Variants in C1orf35 observed in about 807,000 individuals in gnomAD.
C1orf35 encodes chromosome 1 open reading frame 35, also known as multiple myeloma tumor-associated protein 2.
C1orf35 carries 36 observed loss-of-function variants against 30.9 expected under a neutral mutation model. That is an observed-to-expected ratio of 1.16 (90% CI 0.89 to 1.54). C1orf35 has a LOEUF of 1.54. Ranked by LOEUF, C1orf35 falls within the 40% of genes most tolerant of loss-of-function variation. C1orf35 has a pLI of 0.00. For missense variants in C1orf35, 396 were observed against 358.7 expected (o/e 1.10, Z -0.84); for synonymous variants, 179 against 148.2 (o/e 1.21, Z -1.51).
rs1352376530 is a variant in C1orf35, at chr1:228,103,278, G to A, written c.-51C>T. 3.1e-6 allele frequency: 5 copies of A among 1,589,160 alleles called. No homozygotes were observed. The highest frequency in any genetic ancestry group is 3.5e-5 in the Admixed American group (2 of 57,680). On this transcript the variant is annotated 5_prime_UTR_variant, in exon 1 of 8. Transcript: ENST00000272139. Reference sequence around the variant, plus strand: ...GCCTGCGGCTTGCAACCTGCAACCCGCAACCCGAGACCCGCTACCCACTAC... The same window carrying A: ...GCCTGCGGCTTGCAACCTGCAACCCACAACCCGAGACCCGCTACCCACTAC...
chr1:228,102,220 C>G, intron 5 of C1orf35, 55 bp from the exon 6 acceptor site: 1 of 1,562,738 alleles, frequency 6.4e-7, no homozygotes, highest in Admixed American at 1.8e-5. Context: ...CACACCACGC[C>G]CCGCAGCGCC....
Position 228,102,302 on chromosome 1 carries a change from G to A in C1orf35, c.447+8C>T, listed in dbSNP as rs1247312407. The A allele has an allele frequency of 1.2e-6, 2 of 1,610,572 alleles. No individual in the cohort carries two copies. Among genetic ancestry groups the A allele is most frequent in the East Asian group, 2.2e-5 (1 of 44,768 alleles). On this transcript the variant is annotated splice_region_variant and intron_variant, in intron 5 of 7. Transcript: ENST00000272139. ...CCCCTGCTGCGGTCAGGCGGGGCGG[G>A]GGATTACCGTGAACACAGACAGCCC...
intron 2 of C1orf35, 74 bp downstream of exon 2, chr1:228,102,825 T>A: frequency 2.2e-5 from 15 of 677,678 alleles, no homozygotes; most frequent in Non-Finnish European, 2.6e-5. Flanking sequence ...CGACCCCCAG[T>A]CCCCGGCCCC....
In C1orf35 at chr1:228,101,223, TGGAGTC is replaced by T. The variant is rs756081130; in HGVS notation, c.694_699del (p.Asp232_Ser233del). 5.0e-6 allele frequency: 8 copies of T among 1,613,948 alleles called. No homozygotes were observed. The highest frequency in any genetic ancestry group is 4.5e-5 in the East Asian group (2 of 44,886). On this transcript the variant is annotated inframe_deletion, in exon 8 of 8. Transcript: ENST00000272139. ...TTCCTCCTCTTACAGCAGGGGGAGT[TGGAGTC>T]GGAGTCATGGTGGTGGTGCCTGGGC...
rs2033013370 is a variant in C1orf35 at position 228,102,930 on chromosome 1, C to T, written c.214G>A (p.Glu72Lys). Residue 72 changes from glutamate to lysine, a missense_variant, in exon 2 of 8, where the codon GAG (glutamate) becomes AAG (lysine). Coordinates refer to ENST00000272139, the MANE Select transcript of C1orf35 (RefSeq NM_024319.4). Reference protein sequence around the residue: ...SREEELAAVREAEREALLAAL... With the variant: ...SREEELAAVRKAEREALLAAL... The stretch of plus-strand genomic sequence containing the variant: ...GCCAGCAGCGCCTCGCGCTCCGCCT[C>T]CCGCACGGCTGCCAGTTCCTCCTCG... 4.0e-6 allele frequency: 6 copies of T among 1,504,540 alleles called. No homozygotes were observed. The highest frequency in any genetic ancestry group is 1.4e-5 in the African/African-American group (1 of 69,034). 93.2% of individuals were successfully genotyped at this position (1,504,540 alleles called of 1,614,324 possible). A position where few individuals can be genotyped will look rare whatever the true frequency, so the allele number is the denominator to read the frequency against.
rs3831021 is a variant in C1orf35, at chr1:228,103,090, T to TCCCGGAG, written c.94+37_95-42dup. 6,308 of 1,607,160 alleles carry TCCCGGAG rather than the reference T, an allele frequency of 3.9e-3. 48 individuals carry two copies. The highest frequency in any genetic ancestry group is 0.017 in the African/African-American group (1,287 of 74,578). On this transcript the variant is annotated intron_variant, in intron 1 of 7. Transcript: ENST00000272139. ...CTGTGAGTCCAGCGCCCGCCCGGGA[T>TCCCGGAG]CCCGGAGCCCGGAGCCCGGAGCCCG... is the stretch of plus-strand genomic sequence containing the variant.
chr1:228,101,518 G>A (rs771860706), intron 6 of C1orf35, 45 bp from the exon 7 acceptor site: 3 of 1,603,904 alleles, frequency 1.9e-6, no homozygotes, highest in Middle Eastern at 1.7e-4. Context: ...AGTCTTGCAA[G>A]CCAAGAGAGT....
At position 228,101,193 on chromosome 1, in the gene C1orf35, C is replaced by A. The variant is rs1328920925; in HGVS notation, c.730G>T (p.Gly244Ter). 1.9e-6 allele frequency: 3 copies of A among 1,614,010 alleles called. No individual in the cohort carries two copies. The highest frequency in any genetic ancestry group is 2.5e-6 in the Non-Finnish European group (3 of 1,180,024). The change falls in exon 8 of 8, where the codon GGA becomes TGA. Residue 244 changes from glycine to a stop codon, truncating the protein, a stop_gained. Transcript: ENST00000272139. LOFTEE classifies it low-confidence loss of function (END_TRUNC). ...NSPCCKRRKRGHSGDRRSPSR... is the reference protein window; with the variant it reads ...NSPCCKRRKR ...GGGCTCCTCCTGTCCCCACTGTGTC[C>A]CCGCTTCCTCCTCTTACAGCAGGGG...
chr1:228,102,911 A>T lies in C1orf35; in HGVS notation c.233T>A (p.Leu78Gln). 1.0e-5 allele frequency: 15 copies of T among 1,482,688 alleles called. No individual in the cohort carries two copies. The highest frequency in any genetic ancestry group is 1.3e-5 in the Non-Finnish European group (15 of 1,123,660). The allele number at this position is 1,482,688 out of a possible 1,614,324, so 91.8% of individuals were successfully genotyped here. The change falls in exon 2 of 8, where the codon CTG (leucine) becomes CAG (glutamine). Residue 78 changes from leucine (L) to glutamine (Q), a missense_variant. Transcript: ENST00000272139. ...AAVREAEREA[L>Q]LAALGYKNVK... Reference sequence around the variant, plus strand: ...CGCGGACACTCACAGGGCGGCCAGCAGCGCCTCGCGCTCCGCCTCCCGCAC... The same window carrying T: ...CGCGGACACTCACAGGGCGGCCAGCTGCGCCTCGCGCTCCGCCTCCCGCAC...
At position 228,101,489 on chromosome 1, in the gene C1orf35, A is replaced by C. The variant is rs1161122322; in HGVS notation, c.534-16T>G. ...GCTCTCACAACTACAAGGAGGATAC[A>C]AGGTGTGCCTCAGACCCTAGTCTTG... On this transcript the variant is annotated splice_polypyrimidine_tract_variant and intron_variant, in intron 6 of 7. Coordinates refer to ENST00000272139, the MANE Select transcript of C1orf35 (RefSeq NM_024319.4). 1.2e-6 allele frequency: 2 copies of C among 1,610,534 alleles called. No individual in the cohort carries two copies. Among genetic ancestry groups the C allele is most frequent in the East Asian group, 2.2e-5 (1 of 44,880 alleles).
rs747081660 is a variant in C1orf35 at position 228,102,705 on chromosome 1, G to A, written c.246-17C>T. The A allele has an allele frequency of 1.2e-6, 2 of 1,603,306 alleles. No individual in the cohort carries two copies. The highest frequency in any genetic ancestry group is 2.2e-5 in the East Asian group (1 of 44,620). On this transcript the variant is annotated splice_polypyrimidine_tract_variant and intron_variant, in intron 2 of 7. Coordinates refer to ENST00000272139, the MANE Select transcript of C1orf35 (RefSeq NM_024319.4). Reference sequence around the variant, plus strand: ...TTGTAGCCACTGCGAGAGGGCCGGGGCAGGCGTCAGGACGGACGGACCTCC... The same window carrying A: ...TTGTAGCCACTGCGAGAGGGCCGGGACAGGCGTCAGGACGGACGGACCTCC...
At position 228,102,555 on chromosome 1, in the gene C1orf35, G is replaced by A; in HGVS notation, c.297C>T (p.Phe99=). 3 of 1,563,636 alleles carry A rather than the reference G, an allele frequency of 1.9e-6. No homozygotes were observed. Among genetic ancestry groups the A allele is most frequent in the Non-Finnish European group, 2.6e-6 (3 of 1,157,616 alleles). ...CTCCTTCCCGCTTGCAGACCTCCGC[G>A]AAGTCCTGCAGGTGCGAGAGCACAG... ...KQPTGLSKED[F]AEVCKREGGD... Residue 99 remains phenylalanine (F), a synonymous_variant, in exon 4 of 8, where the codon TTC becomes TTT. Transcript: ENST00000272139.
rs1243175358 is a variant in C1orf35, at chr1:228,102,602, C to A, written c.291+41G>T. ...ACAGGGAGCGCTCGAGTCGGCCCCA[C>A]ACCCACGGCCCTCCACGCGCCCCCC... On this transcript the variant is annotated intron_variant, in intron 3 of 7. Transcript: ENST00000272139. 4.4e-6 allele frequency: 7 copies of A among 1,585,194 alleles called. No individual in the cohort carries two copies. The South Asian group carries it at 8.0e-5, about 18-fold the overall frequency.
rs759334682 is a variant in C1orf35, at chr1:228,101,236, A to G, written c.687T>C (p.His229=). The part of the protein sequence containing the change: ...TSPERPRHHH[H]DSDSNSPCCK... ...AGCAGGGGGAGTTGGAGTCGGAGTC[A>G]TGGTGGTGGTGCCTGGGCCTGGGGA... The change falls in exon 8 of 8, where the codon CAT becomes CAC. Residue 229 remains histidine, a synonymous_variant. Coordinates refer to ENST00000272139, the MANE Select transcript of C1orf35 (RefSeq NM_024319.4). 3.7e-5 allele frequency: 60 copies of G among 1,613,906 alleles called. 1 individual carries two copies. The South Asian group carries it at 5.2e-4, about 14-fold the overall frequency.
intron 6 of C1orf35, 87 bp from the exon 7 acceptor site, chr1:228,101,560 A>C (rs2032947278): frequency 6.4e-7 from 1 of 1,570,154 alleles, no homozygotes; most frequent in Non-Finnish European, 8.6e-7. Flanking sequence ...AGATGAAGCC[A>C]CCACCCACAA....
chr1:228,102,724 G>A (rs763671673), intron 2 of C1orf35, 36 bp from the exon 3 acceptor site: 1 of 1,591,490 alleles, frequency 6.3e-7, no homozygotes, highest in Non-Finnish European at 8.6e-7. Flanking sequence ...AGGACGGACG[G>A]ACCTCCTCCC....
At chr1:228,102,849 C>G in intron 2 of C1orf35, 50 bp downstream of exon 2, 1 of 1,380,896 alleles carries the variant, frequency 7.2e-7, no homozygotes, top group Non-Finnish European at 9.3e-7. Flanking sequence ...CCCACCCTGC[C>G]CCGGCAGCGC....
Position 228,101,137 on chromosome 1 carries a change from C to G in C1orf35, c.786G>C (p.Glu262Asp), listed in dbSNP as rs961917850. The change falls in exon 8 of 8, where the codon GAG becomes GAC. Residue 262 changes from glutamate to aspartate, a missense_variant. Coordinates refer to ENST00000272139, the MANE Select transcript of C1orf35 (RefSeq NM_024319.4). Reference sequence around the variant, plus strand: ...AGTGAGCAGGGTCCAGCCATCAGGCCTCAGAGCCTCTGTCATGCCACCTGC... The same window carrying G: ...AGTGAGCAGGGTCCAGCCATCAGGCGTCAGAGCCTCTGTCATGCCACCTGC... Reference protein sequence around the residue: ...PSRRWHDRGSEA With the variant: ...PSRRWHDRGSDA 6.2e-7 allele frequency: 1 copy of G among 1,613,324 alleles called. No individual in the cohort carries two copies. The highest frequency in any genetic ancestry group is 1.3e-5 in the African/African-American group (1 of 75,044).
chr1:228,101,501 A>G, intron 6 of C1orf35, 28 bp from the exon 7 acceptor site: 3 of 1,608,582 alleles, frequency 1.9e-6, no homozygotes, highest in Non-Finnish European at 2.5e-6. Context: ...GGTGTGCCTC[A>G]GACCCTAGTC....
Sources: gnomAD v4.1 joint callset for allele counts on GRCh38, gnomAD v4.1.1 for gene constraint, MANE v1.5 for transcripts, NCBI Gene and HGNC (gene_info 2026-07-23, HGNC 2026-07-21) for gene names.